The following CAPN9 variants were observed in gnomAD, a reference collection of about 807,000 sequenced individuals.
The protein encoded by CAPN9 is calpain 9, also known as calpain-9.
A neutral mutation model predicts 92.8 loss-of-function variants in CAPN9; 81 were observed. The ratio of observed to expected loss-of-function variants is 0.87; its 90% CI spans 0.73 to 1.05. The LOEUF (loss-of-function observed/expected upper bound fraction) is 1.05. Ranked by LOEUF, CAPN9 falls within the 50% of genes least tolerant of loss-of-function variation. The pLI, the probability that CAPN9 is intolerant of heterozygous loss-of-function variation, is 0.00. For missense variants in CAPN9, 848 were observed against 866.2 expected (o/e 0.98, Z 0.26); for synonymous variants, 304 against 328.0 (o/e 0.93, Z 0.79).
chr1:230,787,917 A>C (rs1049078484), intron 13 of CAPN9, among the ~76,000 whole-genome samples: 2 of 152,190 alleles, frequency 1.3e-5, no homozygotes, highest in Non-Finnish European at 2.9e-5. Context: ...GTGCAGTGGT[A>C]TAAGCCTAGC....
At position 230,747,840 on chromosome 1, in the gene CAPN9, A is replaced by G. The variant is rs1664523451; in HGVS notation, c.213+131A>G. On this transcript the variant is annotated intron_variant, in intron 1 of 19. Transcript: ENST00000271971. Reference sequence around the variant, plus strand: ...CAACTGAGGTGCATCATCCCAGTCTACCGTGGAAAGCTTTGCAGTTTGGAG... The same window carrying G: ...CAACTGAGGTGCATCATCCCAGTCTGCCGTGGAAAGCTTTGCAGTTTGGAG... The G allele has an allele frequency of 3.8e-6, 3 of 795,118 alleles. No homozygotes were observed. In the East Asian group the frequency reaches 8.0e-5, roughly 21 times the overall value. 49.3% of individuals were successfully genotyped at this position (795,118 alleles called of 1,614,324 possible).
chr1:230,785,491 C>T (rs1217466169), intron 11 of CAPN9, among the ~76,000 whole-genome samples: 1 of 152,056 alleles, frequency 6.6e-6, no homozygotes, highest in Non-Finnish European at 1.5e-5. Context: ...GCTGTCTTCA[C>T]GATAGTGAGT....
intron 8 of CAPN9, among the ~76,000 whole-genome samples, chr1:230,778,483 T>C (rs12724252): frequency 0.37 from 56,700 of 152,032 alleles, 11,302 homozygotes; most frequent in African/African-American, 0.51. Flanking sequence ...ACCTATTTGA[T>C]GTACTATGAT....
At chr1:230,747,989 G>T (rs1246461438) in intron 1 of CAPN9, among the ~76,000 whole-genome samples, 5 of 152,170 alleles carry the variant, frequency 3.3e-5, no homozygotes, top group African/African-American at 1.2e-4. Flanking sequence ...GTCAGAGTGG[G>T]TCTTGTCAGC....
intron 2 of CAPN9, among the ~76,000 whole-genome samples, chr1:230,755,912 A>G (rs1179683688): frequency 6.6e-6 from 1 of 152,026 alleles, no homozygotes; most frequent in Admixed American, 6.6e-5. Flanking sequence ...ACTGCTAACC[A>G]TTATACACAC....
At chr1:230,749,634 T>C (rs1381258955) in intron 1 of CAPN9, among the ~76,000 whole-genome samples, 1 of 152,020 alleles carries the variant, frequency 6.6e-6, no homozygotes, top group Non-Finnish European at 1.5e-5. Flanking sequence ...TGATCCAGGG[T>C]TTCATACAGA....
chr1:230,800,414 T>G (rs1270309472), intron 19 of CAPN9, among the ~76,000 whole-genome samples: 2 of 152,020 alleles, frequency 1.3e-5, no homozygotes, highest in Non-Finnish European at 2.9e-5. Flanking sequence ...CTGCCCCTGG[T>G]CCATGGTGGA....
intron 1 of CAPN9, among the ~76,000 whole-genome samples, chr1:230,751,682 A>G (rs560049632): frequency 2.7e-5 from 4 of 149,160 alleles, no homozygotes; most frequent in Non-Finnish European, 4.5e-5. Flanking sequence ...AAAGAAAGAA[A>G]GAAGGGTGGC....
chr1:230,800,294 GAAAGAAAGAAAGGA>G (rs1668637952), intron 19 of CAPN9, among the ~76,000 whole-genome samples: 1 of 109,844 alleles, frequency 9.1e-6, no homozygotes, highest in Non-Finnish European at 2.0e-5. Context: ...AAGAAAGAAA[GAAAGAAAGAAAGGA>G]AAAACAAGAG....
chr1:230,759,707 G>C, intron 3 of CAPN9, 77 bp downstream of exon 3: 1 of 879,488 alleles, frequency 1.1e-6, no homozygotes, highest in East Asian at 2.5e-5. Flanking sequence ...CACACTGCCT[G>C]GTAACCCTAG....
chr1:230,777,286 T>C (rs1360266882), intron 8 of CAPN9, among the ~76,000 whole-genome samples: 1 of 151,862 alleles, frequency 6.6e-6, no homozygotes, highest in Admixed American at 6.6e-5. Context: ...GAGTGATCCA[T>C]TGCCCTGCCC....
chr1:230,788,728 G>T (rs564390334), intron 13 of CAPN9, among the ~76,000 whole-genome samples: 2 of 152,132 alleles, frequency 1.3e-5, no homozygotes, highest in African/African-American at 4.8e-5. Flanking sequence ...AGCCCTGGGC[G>T]GGACAGAGCA....
chr1:230,774,490 C>T, intron 7 of CAPN9, 64 bp from the exon 8 acceptor site: 2 of 1,073,212 alleles, frequency 1.9e-6, no homozygotes, highest in Non-Finnish European at 2.9e-6. Flanking sequence ...GTGGGTTCCA[C>T]ATCAAGGCCA....
At chr1:230,792,280 TCATTAAAA>T in intron 15 of CAPN9, 138 bp from the exon 16 acceptor site, 1 of 671,206 alleles carries the variant, frequency 1.5e-6, no homozygotes, top group Non-Finnish European at 2.7e-6. Flanking sequence ...TGTGGTTTAA[TCATTAAAA>T]CCACTTCCCC....
In CAPN9 at chr1:230,747,688, CT is replaced by C. The variant is rs758341629; in HGVS notation, c.195del (p.Phe65LeufsTer10). 2 of 1,614,158 alleles carry C rather than the reference CT, an allele frequency of 1.2e-6. No homozygotes were observed. Among genetic ancestry groups the C allele is most frequent in the South Asian group, 1.1e-5 (1 of 91,080 alleles). On this transcript the variant is annotated frameshift_variant, in exon 1 of 20. Transcript: ENST00000271971. LOFTEE classifies it high-confidence loss of function. ...LFYSERPQIP[F>X]VWKRPGEIVK... ...TCTACAGTGAGAGGCCGCAGATCCC[CT>C]TTGTGTGGAAACGACCAGGGGTGAG...
chr1:230,753,700 GA>G (rs1281324145), intron 1 of CAPN9, among the ~76,000 whole-genome samples: 1 of 152,122 alleles, frequency 6.6e-6, no homozygotes, highest in Non-Finnish European at 1.5e-5. Context: ...CTGGTGCCTG[GA>G]AAAGTGGGAA....
At chr1:230,760,218 C>T (rs572555426) in intron 3 of CAPN9, among the ~76,000 whole-genome samples, 3 of 152,076 alleles carry the variant, frequency 2.0e-5, no homozygotes, top group Non-Finnish European at 4.4e-5. Flanking sequence ...ATATAGGGTT[C>T]GACCAGATAC....
intron 11 of CAPN9, among the ~76,000 whole-genome samples, chr1:230,785,083 G>A (rs1043261088): frequency 3.3e-5 from 5 of 152,206 alleles, no homozygotes; most frequent in Non-Finnish European, 2.9e-5. Context: ...CATGGGGCCT[G>A]TAGCCCCTTT....
chr1:230,751,642 A>T (rs1203085361), intron 1 of CAPN9, among the ~76,000 whole-genome samples: 1 of 96,148 alleles, frequency 1.0e-5, no homozygotes, highest in Non-Finnish European at 2.1e-5. Flanking sequence ...AAAGAAAGAA[A>T]GAAAGAAAGA....
Sources: allele counts gnomAD v4.1 joint callset (sites outside exome capture counted in the v4.1 genomes callset), GRCh38; gene constraint gnomAD v4.1.1; transcripts MANE v1.5; gene names NCBI Gene and HGNC (gene_info 2026-07-23, HGNC 2026-07-21).